The following CTSH variants were observed in gnomAD, a reference collection of about 807,000 sequenced individuals.
CTSH encodes pro-cathepsin H.
Under a neutral mutation model 56.3 loss-of-function variants are expected in CTSH, and 52 were observed. That is an observed-to-expected ratio of 0.92 (90% CI 0.74 to 1.16). The LOEUF is 1.16. Ranked by LOEUF, CTSH falls within the 50% of genes most tolerant of loss-of-function variation. The pLI, the probability that CTSH is intolerant of heterozygous loss-of-function variation, is 0.00. For synonymous variants in CTSH, 174 were observed against 155.7 expected, an observed-to-expected ratio of 1.12 and a Z score of -0.88; for missense variants, 406 against 424.5, an observed-to-expected ratio of 0.96 and a Z score of 0.38.
At chr15:78,927,529 G>A (rs746665705) in intron 9 of CTSH, 184 bp downstream of exon 9, 25 of 593,604 alleles carry the variant, frequency 4.2e-5, no homozygotes, top group South Asian at 8.3e-5. Context: ...GCCAGTTTGC[G>A]CTCTCCCTCC....
At chr15:78,927,881 C>G in intron 8 of CTSH, 100 bp from the exon 9 acceptor site, 2 of 946,558 alleles carry the variant, frequency 2.1e-6, no homozygotes, top group Non-Finnish European at 3.4e-6. Context: ...CAAGATGTGC[C>G]AGGGCCTGGG....
intron 7 of CTSH, among the ~76,000 whole-genome samples, chr15:78,930,924 G>C (rs2055045143): frequency 6.6e-6 from 1 of 152,216 alleles, no homozygotes; most frequent in Admixed American, 6.5e-5. Context: ...GGGAGGGCTA[G>C]AGTCACTGTA....
chr15:78,937,490 T>TTTTTTTTTTTTTTTTTTTTTTA, intron 2 of CTSH, 67 bp from the exon 3 acceptor site: 1 of 1,465,822 alleles, frequency 6.8e-7, no homozygotes, highest in Non-Finnish European at 9.4e-7. Context: ...GAGACCTTTT[T>TTTTTTTTTTTTTTTTTTTTTTA]GTTTTCCTAA....
chr15:78,923,194 CTT>C lies in CTSH; in HGVS notation c.807-78_807-77del, dbSNP rs1282491836. On this transcript the variant is annotated intron_variant, in intron 10 of 11. Transcript: ENST00000220166. ...ATGACAGTCCCATCCAACAACGCCT[CTT>C]TGAGCGCTTTAGAGCAATGTTCCCC... 35 of 1,544,462 alleles carry C rather than the reference CTT, an allele frequency of 2.3e-5. 1 individual carries two copies. The Admixed American group carries it at 5.8e-4, about 26-fold the overall frequency.
intron 1 of CTSH, among the ~76,000 whole-genome samples, chr15:78,942,679 T>C (rs1019999785): frequency 2.6e-5 from 4 of 152,216 alleles, no homozygotes; most frequent in Non-Finnish European, 4.4e-5. Flanking sequence ...GGGTTCAGGT[T>C]CAGATTGAAT....
Position 78,922,129 on chromosome 15 carries a change from C to T in CTSH, c.*1G>A, listed in dbSNP as rs1172952362. 1 of 1,566,444 alleles carries T rather than the reference C, an allele frequency of 6.4e-7. No individual in the cohort carries two copies. Among genetic ancestry groups the T allele is most frequent in the Admixed American group, 1.9e-5 (1 of 52,948 alleles). On this transcript the variant is annotated 3_prime_UTR_variant, in exon 12 of 12. Coordinates refer to ENST00000220166, the MANE Select transcript of CTSH (RefSeq NM_004390.5). ...CCAGTCTGCGCTGCGGCTGCCACGG[C>T]TCACACCAGAGGGATGGGGTAGGAG...
chr15:78,928,521 C>A (rs1283963456), intron 8 of CTSH, among the ~76,000 whole-genome samples: 5 of 136,186 alleles, frequency 3.7e-5, no homozygotes, highest in African/African-American at 1.1e-4. Context: ...GCCGAGATTG[C>A]GCCATTGCAC....
At chr15:78,922,339 G>A (rs1040294841) in intron 11 of CTSH, 134 bp from the exon 12 acceptor site, 26 of 702,446 alleles carry the variant, frequency 3.7e-5, no homozygotes, top group South Asian at 8.5e-5. Flanking sequence ...AGTAGCATTC[G>A]GCTTATTTGA....
Position 78,945,007 on chromosome 15 carries a change from C to G in CTSH, c.-26G>C. 2 of 1,511,744 alleles carry G rather than the reference C, an allele frequency of 1.3e-6. No homozygotes were observed. Among genetic ancestry groups the G allele is most frequent in the Non-Finnish European group, 8.8e-7 (1 of 1,131,066 alleles). 93.6% of individuals were successfully genotyped at this position (1,511,744 alleles called of 1,614,324 possible). On this transcript the variant is annotated 5_prime_UTR_variant, in exon 1 of 12. Transcript: ENST00000220166. ...CGCAGCGCTGGCGGCTTGGCTCTTG[C>G]GCTCAGGGTCCGCGGAGGTGGCGGC...
intron 9 of CTSH, chr15:78,927,485 G>A: frequency 3.5e-6 from 2 of 576,922 alleles, no homozygotes; most frequent in Non-Finnish European, 3.1e-6. Context: ...GAAGGCATGT[G>A]TGGATCTGGA....
In CTSH at chr15:78,923,136, AAAAG is replaced by A. The variant is rs750434694; in HGVS notation, c.807-22_807-19del. 8 of 1,612,816 alleles carry A rather than the reference AAAAG, an allele frequency of 5.0e-6. No homozygotes were observed. In the East Asian group the frequency reaches 1.8e-4, roughly 36 times the overall value. On this transcript the variant is annotated intron_variant, in intron 10 of 11. Transcript: ENST00000220166. ...AGGAAGTACTGGAAAACAAAATTCA[AAAAG>A]AGGTGATCATATGGGAAGGATAAAA... is the stretch of plus-strand genomic sequence containing the variant.
At chr15:78,940,696 C>T (rs968553728) in intron 1 of CTSH, among the ~76,000 whole-genome samples, 2 of 152,128 alleles carry the variant, frequency 1.3e-5, no homozygotes, top group Non-Finnish European at 2.9e-5. Context: ...TGGTGGCTCA[C>T]GCCTGTAATC....
intron 10 of CTSH, among the ~76,000 whole-genome samples, chr15:78,923,821 GT>G (rs1286098230): frequency 6.6e-6 from 1 of 152,130 alleles, no homozygotes; most frequent in Non-Finnish European, 1.5e-5. Flanking sequence ...AACTTTTTCT[GT>G]TTACAAAAGT....
intron 7 of CTSH, among the ~76,000 whole-genome samples, 200 bp downstream of exon 7, chr15:78,931,251 A>C (rs1381075648): frequency 6.6e-6 from 1 of 152,096 alleles, no homozygotes; most frequent in Non-Finnish European, 1.5e-5. Context: ...AGAGGCCTGG[A>C]CTCAGATTCC....
At chr15:78,925,076 C>G (rs2054873307) in intron 10 of CTSH, among the ~76,000 whole-genome samples, 1 of 152,210 alleles carries the variant, frequency 6.6e-6, no homozygotes, top group African/African-American at 2.4e-5. Flanking sequence ...CTAGCTCTCA[C>G]TAGCCAGGTG....
rs148308043 is a variant in CTSH at position 78,933,552 on chromosome 15, C to T, written c.406-1094G>A. On this transcript the variant is annotated intron_variant, in intron 5 of 11. Coordinates refer to ENST00000220166, the MANE Select transcript of CTSH (RefSeq NM_004390.5). Reference sequence around the variant, plus strand: ...CAATCTCTTCCCTTCACATATCTCTCTCAGCTGGGGGAGGGAGGGACGGCC... The same window carrying T: ...CAATCTCTTCCCTTCACATATCTCTTTCAGCTGGGGGAGGGAGGGACGGCC... 5.9e-5 allele frequency: 27 copies of T among 455,414 alleles called. No individual in the cohort carries two copies. The Middle Eastern group carries it at 1.3e-3, about 22-fold the overall frequency. 28.2% of individuals were successfully genotyped at this position (455,414 alleles called of 1,614,324 possible).
chr15:78,930,493 C>G (rs2055028376), intron 7 of CTSH, among the ~76,000 whole-genome samples: 1 of 151,744 alleles, frequency 6.6e-6, no homozygotes, highest in Admixed American at 6.6e-5. Flanking sequence ...CGCCACTGCA[C>G]TCCAGCCTGG....
chr15:78,925,503 C>T (rs2054885136), intron 9 of CTSH, 63 bp from the exon 10 acceptor site: 3 of 1,153,034 alleles, frequency 2.6e-6, no homozygotes, highest in Admixed American at 1.8e-5. Flanking sequence ...TTTCACAGTA[C>T]AGCCTTTTGC....
rs375198024 is a variant in CTSH at position 78,932,376 on chromosome 15, G to A, written c.488C>T (p.Ser163Phe). 4.9e-5 allele frequency: 79 copies of A among 1,613,816 alleles called. No individual in the cohort carries two copies. The Middle Eastern group carries it at 4.9e-4, about 10-fold the overall frequency. Reference sequence around the variant, plus strand: ...CGCCTGTGGCTGATTTCTTACCAAGGACAGCATCTTTCCGGTTGCGATGGC... The same window carrying A: ...CGCCTGTGGCTGATTTCTTACCAAGAACAGCATCTTTCCGGTTGCGATGGC... Reference protein sequence around the residue: ...AIAIATGKMLSLAEQQLVDCA... With the variant: ...AIAIATGKMLFLAEQQLVDCA... The change falls in exon 6 of 12, where the codon TCC (serine) becomes TTC (phenylalanine). Residue 163 changes from serine to phenylalanine, a missense_variant. Coordinates refer to ENST00000220166, the MANE Select transcript of CTSH (RefSeq NM_004390.5).
Sources: gnomAD v4.1 joint callset for allele counts (sites outside exome capture counted in the v4.1 genomes callset) on GRCh38, gnomAD v4.1.1 for gene constraint, MANE v1.5 for transcripts, NCBI Gene and HGNC (gene_info 2026-07-23, HGNC 2026-07-21) for gene names.